The following CCZ1 variants were observed in gnomAD, a reference collection of about 807,000 sequenced individuals.
CCZ1 encodes the protein CCZ1 vacuolar protein trafficking and biogenesis associated.
A neutral mutation model predicts 57.8 loss-of-function variants in CCZ1; 19 were observed. The observed-to-expected ratio is 0.33, with a 90% confidence interval of 0.23 to 0.48. CCZ1 has a LOEUF of 0.48. CCZ1 is among the 20% of genes least tolerant of loss of function. The pLI is 0.99. For missense variants in CCZ1, 200 were observed against 492.0 expected (o/e 0.41, Z 5.61); for synonymous variants, 81 against 167.0 (o/e 0.49, Z 3.97).
chr7:5,906,730 A>T (rs62453587), intron 7 of CCZ1, among the ~76,000 whole-genome samples: 18,412 of 149,582 alleles, frequency 0.12, 1,506 homozygotes, highest in Non-Finnish European at 0.17. Context: ...TTCCCTGCCA[A>T]AATCTTGTAG....
At chr7:5,910,571 C>T (rs1781946182) in intron 8 of CCZ1, among the ~76,000 whole-genome samples, 1 of 143,730 alleles carries the variant, frequency 7.0e-6, no homozygotes, top group South Asian at 2.4e-4. Context: ...TGTGATCTGC[C>T]CACCTTGGCC....
intron 6 of CCZ1, 77 bp downstream of exon 6, chr7:5,902,821 G>A: frequency 6.6e-7 from 1 of 1,518,938 alleles, no homozygotes; most frequent in East Asian, 2.9e-5. Flanking sequence ...AGACAAGTTT[G>A]TTTCTTATAT....
chr7:5,906,165 C>T (rs1463239565), intron 7 of CCZ1, among the ~76,000 whole-genome samples: 1 of 147,808 alleles, frequency 6.8e-6, no homozygotes, highest in Admixed American at 6.7e-5. Context: ...AACGTGGGCA[C>T]AAGACTGCCC....
Position 5,900,736 on chromosome 7 carries a change from G to A in CCZ1, c.313-119G>A, listed in dbSNP as rs1299392841. ...TTCCTATTTGCTTTATTCATTCTTG[G>A]GGCTGTTTTAAGAAGCTATGTTTCT... On this transcript the variant is annotated intron_variant, in intron 3 of 14. Transcript: ENST00000325974. 14 of 1,550,124 alleles carry A rather than the reference G, an allele frequency of 9.0e-6. 1 individual carries two copies. In the Admixed American group the frequency reaches 9.1e-5, roughly 10 times the overall value.
intron 7 of CCZ1, among the ~76,000 whole-genome samples, chr7:5,905,898 A>T (rs953295460): frequency 2.6e-4 from 20 of 76,292 alleles, no homozygotes; most frequent in South Asian, 1.2e-3. Flanking sequence ...CAGAATTTTT[A>T]TACCTTTTTT....
intron 6 of CCZ1, among the ~76,000 whole-genome samples, chr7:5,904,114 C>G (rs1383355378): frequency 1.7e-5 from 1 of 58,500 alleles, no homozygotes; most frequent in Non-Finnish European, 3.3e-5. Context: ...TTTTTTGAGA[C>G]AGAATCTTAC....
In CCZ1 at chr7:5,899,382, TGG is replaced by T. The variant is rs1562536533; in HGVS notation, c.120+464_120+465del. ...GTGTGTGTGTGTGTGTGTGTGTGTGTGGTTTTTCTGAGGTGGGGACGGCGACT... is the reference window on the plus strand; with the variant it reads ...GTGTGTGTGTGTGTGTGTGTGTGTGTTTTTTCTGAGGTGGGGACGGCGACT... On this transcript the variant is annotated intron_variant, in intron 1 of 14. Transcript: ENST00000325974. Among the ~76,000 whole-genome samples, 89 of 94,328 alleles carry T rather than the reference TGG, an allele frequency of 9.4e-4. 3 individuals are homozygous for T. Among genetic ancestry groups the T allele is most frequent in the Middle Eastern group, 9.8e-3 (2 of 204 alleles). 61.9% of individuals were successfully genotyped at this position (94,328 alleles called of 152,430 possible). A position where few individuals can be genotyped will look rare whatever the true frequency, so the allele number is the denominator to read the frequency against.
rs1430271594 is a variant in CCZ1, at chr7:5,910,711, TTTATTTA to T, written c.780+598_780+604del. On this transcript the variant is annotated intron_variant, in intron 8 of 14. Coordinates refer to ENST00000325974, the MANE Select transcript of CCZ1 (RefSeq NM_015622.6). ...CTTTTAATTTATGTATTTTATTTTA[TTTATTTA>T]TTTATTTATTTATTTATTTATTTAT... Among the ~76,000 whole-genome samples the T allele has an allele frequency of 6.7e-4, 80 of 120,122 alleles. 4 individuals carry two copies. Among genetic ancestry groups the T allele is most frequent in the African/African-American group, 2.1e-3 (66 of 31,350 alleles). 78.8% of individuals were successfully genotyped at this position (120,122 alleles called of 152,430 possible). A position where few individuals can be genotyped will look rare whatever the true frequency, so the allele number is the denominator to read the frequency against.
At chr7:5,902,446 T>G in intron 5 of CCZ1, 1 of 830,810 alleles carries the variant, frequency 1.2e-6, no homozygotes, top group Non-Finnish European at 1.6e-6. Context: ...CCTAGAGCAA[T>G]TAGGTGGTTT....
chr7:5,916,728 A>G (rs1342203753), intron 10 of CCZ1, among the ~76,000 whole-genome samples: 1 of 146,540 alleles, frequency 6.8e-6, no homozygotes, highest in African/African-American at 2.7e-5. Flanking sequence ...AGCTGGCCCC[A>G]CATGGCCAGC....
chr7:5,923,043 G>A (rs1297749584), intron 12 of CCZ1, among the ~76,000 whole-genome samples: 1 of 137,548 alleles, frequency 7.3e-6, no homozygotes, highest in African/African-American at 2.9e-5. Context: ...CCAGGGCCGG[G>A]CGCGGGGGCT....
At chr7:5,905,582 G>C (rs1447122231) in intron 7 of CCZ1, among the ~76,000 whole-genome samples, 1 of 145,252 alleles carries the variant, frequency 6.9e-6, no homozygotes, top group Non-Finnish European at 1.5e-5. Flanking sequence ...AGGAGTTGGA[G>C]ACCAGCCTGG....
intron 14 of CCZ1, among the ~76,000 whole-genome samples, chr7:5,924,374 ATCACCAAGGCATGTG>A (rs1036675092): frequency 2.3e-5 from 2 of 88,196 alleles, no homozygotes; most frequent in South Asian, 3.4e-4. Context: ...ACAGGCATGT[ATCACCAAGGCATGTG>A]TCACCAGACC....
Position 5,904,017 on chromosome 7 carries a change from T to A in CCZ1, c.523-1077T>A, listed in dbSNP as rs1490284418. On this transcript the variant is annotated intron_variant, in intron 6 of 14. Transcript: ENST00000325974. ...TCGGGGGGGGAAATAAAGATGGCACTCTCTGTAGTATTAATGGATAGATCC... is the reference window on the plus strand; with the variant it reads ...TCGGGGGGGGAAATAAAGATGGCACACTCTGTAGTATTAATGGATAGATCC... Among the ~76,000 whole-genome samples, 15 of 140,792 alleles carry A rather than the reference T, an allele frequency of 1.1e-4. 2 individuals are homozygous for A. The highest frequency in any genetic ancestry group is 4.1e-4 in the African/African-American group (15 of 36,676). The allele number at this position is 140,792 out of a possible 152,430, so 92.4% of individuals were successfully genotyped here.
Position 5,926,166 on chromosome 7 carries a change from AT to A in CCZ1, c.*483del. 5.3e-6 allele frequency: 2 copies of A among 374,750 alleles called. No homozygotes were observed. Among genetic ancestry groups the A allele is most frequent in the Non-Finnish European group, 9.4e-6 (2 of 212,710 alleles). 23.2% of individuals were successfully genotyped at this position (374,750 alleles called of 1,614,324 possible). A position where few individuals can be genotyped will look rare whatever the true frequency, so the allele number is the denominator to read the frequency against. On this transcript the variant is annotated 3_prime_UTR_variant, in exon 15 of 15. Transcript: ENST00000325974. ...ACCACCACGGTCGGCTGATGTTTTAATTTTGCAGAGATGGGGGGGTCTCACT... is the reference window on the plus strand; with the variant it reads ...ACCACCACGGTCGGCTGATGTTTTAATTTGCAGAGATGGGGGGGTCTCACT...
intron 10 of CCZ1, among the ~76,000 whole-genome samples, chr7:5,913,452 G>T (rs575097268): frequency 6.6e-6 from 1 of 151,622 alleles, no homozygotes; most frequent in African/African-American, 2.4e-5. Flanking sequence ...GCATGTGCAC[G>T]TGTTTCTCCT....
In CCZ1 at chr7:5,925,732, A is replaced by C. The variant is rs201355172; in HGVS notation, c.*45A>C. On this transcript the variant is annotated 3_prime_UTR_variant, in exon 15 of 15. Coordinates refer to ENST00000325974, the MANE Select transcript of CCZ1 (RefSeq NM_015622.6). The stretch of plus-strand genomic sequence containing the variant: ...AGCATATCTAAAAAACACTCTGCAA[A>C]CATTTGGTCACATGCAAGTTAGTGG... 94,485 of 1,311,620 alleles carry C rather than the reference A, an allele frequency of 0.072. 23 individuals are homozygous for C. The highest frequency in any genetic ancestry group is 0.17 in the Admixed American group (8,976 of 54,230). The allele number at this position is 1,311,620 out of a possible 1,614,324, so 81.2% of individuals were successfully genotyped here.
chr7:5,907,115 C>T lies in CCZ1; in HGVS notation c.698+1846C>T. Among the ~76,000 whole-genome samples, 2 of 149,564 alleles carry T rather than the reference C, an allele frequency of 1.3e-5. 1 individual carries two copies. On this transcript the variant is annotated intron_variant, in intron 7 of 14. Transcript: ENST00000325974. The stretch of plus-strand genomic sequence containing the variant: ...ACCTCAAAGGATCCGCCCACCTTGG[C>T]CTCCCAGTGCTGGGATTACAGGTGT...
At chr7:5,910,256 T>C in intron 8 of CCZ1, 140 bp downstream of exon 8, 1 of 728,480 alleles carries the variant, frequency 1.4e-6, no homozygotes, top group East Asian at 3.0e-5. Context: ...TGTCACTGTA[T>C]ATCAATTAGC....
Sources: allele counts gnomAD v4.1 joint callset (sites outside exome capture counted in the v4.1 genomes callset), GRCh38; gene constraint gnomAD v4.1.1; transcripts MANE v1.5; gene names NCBI Gene and HGNC (gene_info 2026-07-23, HGNC 2026-07-21).